The following SORBS2 variants were observed in gnomAD, a reference collection of about 807,000 sequenced individuals.
SORBS2 encodes the protein sorbin and SH3 domain-containing protein 2.
In SORBS2, 46 loss-of-function variants were observed where a neutral mutation model predicts 97.7. The observed-to-expected ratio is 0.47, with a 90% CI of 0.37 to 0.60. The LOEUF (loss-of-function observed/expected upper bound fraction) is 0.60, where lower values mean the gene tolerates loss of function less well. Ranked by LOEUF, SORBS2 falls within the 20% of genes least tolerant of loss-of-function variation. The pLI is 0.00. For synonymous variants in SORBS2, 476 were observed against 473.4 expected (o/e 1.01, Z -0.07); for missense variants, 1,316 against 1,282.3 (o/e 1.03, Z -0.40).
intron 1 of SORBS2, among the ~76,000 whole-genome samples, chr4:185,902,690 A>T (rs2099248369): frequency 1.6e-5 from 1 of 60,888 alleles, no homozygotes; most frequent in Non-Finnish European, 4.6e-5. Flanking sequence ...TTTTTACTTA[A>T]AAAAAAAAAA....
intron 1 of SORBS2, among the ~76,000 whole-genome samples, chr4:185,859,663 T>C (rs2149707366): frequency 6.6e-6 from 1 of 152,258 alleles, no homozygotes; most frequent in African/African-American, 2.4e-5. Context: ...TATGTACCCA[T>C]CTCCTTTAGT....
chr4:185,751,709 A>G (rs2098801526), intron 2 of SORBS2, among the ~76,000 whole-genome samples: 1 of 152,176 alleles, frequency 6.6e-6, no homozygotes, highest in Admixed American at 6.5e-5. Flanking sequence ...GAGAGGAAAT[A>G]CAGGGAGAAG....
chr4:185,825,130 G>A (rs2099199056), intron 1 of SORBS2, among the ~76,000 whole-genome samples: 1 of 152,130 alleles, frequency 6.6e-6, no homozygotes, highest in African/African-American at 2.4e-5. Flanking sequence ...AGCAGTTACT[G>A]CAGCTTTCAA....
rs77841531 is a variant in SORBS2 at position 185,684,899 on chromosome 4, G to A, written c.-197-6077C>T. ...GGCCAAGGCAACGGGAAAAGCACGT[G>A]CAATATCATGCGTTTTAAGAGAAAT... On this transcript the variant is annotated intron_variant, in intron 2 of 20. Coordinates refer to the SORBS2 transcript ENST00000284776. The surrounding 1 kb of genome is among the most constrained non-coding windows in gnomAD (Gnocchi z 4.2). 2.6e-3 allele frequency: 3,428 copies of A among 1,296,638 alleles called. 15 individuals are homozygous for A. The highest frequency in any genetic ancestry group is 2.5e-3 in the Non-Finnish European group (2,306 of 917,018). 80.3% of individuals were successfully genotyped at this position (1,296,638 alleles called of 1,614,324 possible). A position where few individuals can be genotyped will look rare whatever the true frequency, so the allele number is the denominator to read the frequency against.
At chr4:185,758,000 T>C (rs2098841117) in intron 2 of SORBS2, among the ~76,000 whole-genome samples, 1 of 152,222 alleles carries the variant, frequency 6.6e-6, no homozygotes, top group Non-Finnish European at 1.5e-5. Context: ...ACATAGAGAC[T>C]GATGACCAGA....
At chr4:185,844,738 G>T (rs1475428605) in intron 1 of SORBS2, among the ~76,000 whole-genome samples, 1 of 152,154 alleles carries the variant, frequency 6.6e-6, no homozygotes, top group Non-Finnish European at 1.5e-5. Context: ...ATAAAGAAAA[G>T]ATGGCATATT....
intron 12 of SORBS2, among the ~76,000 whole-genome samples, chr4:185,595,197 C>T (rs1042420774): frequency 4.6e-5 from 7 of 152,130 alleles, no homozygotes; most frequent in African/African-American, 9.7e-5. Context: ...AGCTCTGACT[C>T]GGTTAACTGG....
intron 1 of SORBS2, among the ~76,000 whole-genome samples, chr4:185,877,894 AGAAGAAAG>A (rs2099234559): frequency 1.3e-5 from 2 of 148,884 alleles, no homozygotes; most frequent in Non-Finnish European, 1.5e-5. Flanking sequence ...AAAGAAAGAA[AGAAGAAAG>A]AAAAGAAAGA....
intron 1 of SORBS2, among the ~76,000 whole-genome samples, chr4:185,897,325 A>T (rs1270686660): frequency 6.6e-6 from 1 of 152,210 alleles, no homozygotes; most frequent in Non-Finnish European, 1.5e-5. Flanking sequence ...AAGGAAGGAA[A>T]GCTGACCAGA....
At chr4:185,591,454 C>T (rs1561269888) in intron 13 of SORBS2, among the ~76,000 whole-genome samples, 3 of 152,154 alleles carry the variant, frequency 2.0e-5, no homozygotes, top group Admixed American at 6.5e-5. Flanking sequence ...AATACAGAAA[C>T]GTCACCTGAT....
intron 5 of SORBS2, 151 bp from the exon 18 acceptor site, chr4:185,627,170 A>T: frequency 1.6e-6 from 1 of 635,438 alleles, no homozygotes; most frequent in Non-Finnish European, 2.8e-6. Flanking sequence ...CTTGATGTTC[A>T]ACATGATTTC....
chr4:185,646,915 C>T, intron 3 of SORBS2, 133 bp from the exon 13 acceptor site: 1 of 619,702 alleles, frequency 1.6e-6, no homozygotes. Flanking sequence ...AAAAGTTAAC[C>T]TGTGAAAAAT....
rs137984735 is a variant in SORBS2 at position 185,747,908 on chromosome 4, T to C, written c.-198+27319A>G. On this transcript the variant is annotated intron_variant, in intron 2 of 20. Coordinates refer to the SORBS2 transcript ENST00000284776. The stretch of plus-strand genomic sequence containing the variant: ...TGGGAGGCTGAGGCAGGAGAATCAC[T>C]TGAACCCAGGAGGCGGAGGTTGCAG... Among the ~76,000 whole-genome samples, 62 of 152,158 alleles carry C rather than the reference T, an allele frequency of 4.1e-4. 2 individuals are homozygous for C. In the East Asian group the frequency reaches 0.011, roughly 28 times the overall value.
intron 1 of SORBS2, among the ~76,000 whole-genome samples, chr4:185,948,401 T>C (rs2099275554): frequency 6.6e-6 from 1 of 152,184 alleles, no homozygotes; most frequent in African/African-American, 2.4e-5. Flanking sequence ...TCTATCTTTC[T>C]GTTCATTCAT....
At chr4:185,870,075 A>G (rs1579263227) in intron 1 of SORBS2, among the ~76,000 whole-genome samples, 3 of 152,348 alleles carry the variant, frequency 2.0e-5, no homozygotes, top group Admixed American at 2.0e-4. Context: ...AATAATTATA[A>G]CAACTAACCA....
intron 1 of SORBS2, among the ~76,000 whole-genome samples, chr4:185,942,595 C>T (rs1215200687): frequency 9.9e-5 from 15 of 152,062 alleles, no homozygotes; most frequent in African/African-American, 3.4e-4. Flanking sequence ...GTGATCCACC[C>T]GCCTCGGCCT....
intron 2 of SORBS2, among the ~76,000 whole-genome samples, chr4:185,702,258 C>T (rs1337474729): frequency 1.3e-5 from 2 of 152,072 alleles, no homozygotes; most frequent in South Asian, 2.1e-4. Flanking sequence ...TTTAGAGAGG[C>T]CTCATGATGC....
At chr4:185,631,545 C>CTGTG (rs1176805452) in intron 4 of SORBS2, among the ~76,000 whole-genome samples, 1 of 152,070 alleles carries the variant, frequency 6.6e-6, no homozygotes, top group East Asian at 1.9e-4. Context: ...GGTGGATCAC[C>CTGTG]TGTGGTCAGG....
At chr4:185,636,677 C>T (rs1216641534) in intron 4 of SORBS2, among the ~76,000 whole-genome samples, 2 of 140,500 alleles carry the variant, frequency 1.4e-5, no homozygotes, top group East Asian at 2.0e-4. Flanking sequence ...GAGATGGAGT[C>T]TCACTCTGTC....
Sources: gnomAD v4.1 joint callset for allele counts (sites outside exome capture counted in the v4.1 genomes callset) on GRCh38, gnomAD v4.1.1 for gene constraint, Gnocchi (gnomAD v3.1) non-coding constraint, MANE v1.5 for transcripts, NCBI Gene and HGNC (gene_info 2026-07-23, HGNC 2026-07-21) for gene names.